FBXL5: variants seen among roughly 807,000 people sequenced by gnomAD.
FBXL5 encodes F-box/LRR-repeat protein 5.
In FBXL5, 26 loss-of-function variants were observed where a neutral mutation model predicts 78.3. The ratio of observed to expected loss-of-function variants is 0.33; its 90% CI spans 0.24 to 0.46. FBXL5 has a LOEUF of 0.46. Ranked by LOEUF, FBXL5 falls within the 20% of genes least tolerant of loss-of-function variation. FBXL5 has a pLI of 1.00. For synonymous variants in FBXL5, 295 were observed against 282.5 expected (o/e 1.04, Z -0.45); for missense variants, 710 against 829.2 (o/e 0.86, Z 1.77).
At chr4:15,623,398 A>G (rs1244012166) in intron 9 of FBXL5, among the ~76,000 whole-genome samples, 1 of 152,170 alleles carries the variant, frequency 6.6e-6, no homozygotes, top group Admixed American at 6.5e-5. Context: ...CGGCTCTGAA[A>G]GGTCACATGT....
At chr4:15,630,001 C>A (rs1174811678) in intron 6 of FBXL5, among the ~76,000 whole-genome samples, 1 of 152,146 alleles carries the variant, frequency 6.6e-6, no homozygotes, top group Non-Finnish European at 1.5e-5. Flanking sequence ...TTCCTCCTCA[C>A]ACTTCCAAAT....
Position 15,654,592 on chromosome 4 carries a change from G to C in FBXL5, c.84+612C>G, listed in dbSNP as rs1716593280. 4.6e-5 allele frequency among the ~76,000 whole-genome samples: 7 copies of C among 152,356 alleles called. No homozygotes were observed. The South Asian group carries it at 1.4e-3, about 32-fold the overall frequency. ...AAGGAAAACGATAACGACACATGAA[G>C]AGTGAAGGTTCTTCAGTTCTAAACT... On this transcript the variant is annotated intron_variant, in intron 1 of 10. Transcript: ENST00000341285.
intron 1 of FBXL5, among the ~76,000 whole-genome samples, chr4:15,673,523 T>C (rs771839188): frequency 3.9e-5 from 6 of 152,184 alleles, no homozygotes; most frequent in African/African-American, 1.2e-4. Context: ...GACATCATCA[T>C]TGAGATCTAT....
rs761448938 is a variant in FBXL5, at chr4:15,636,507, A to C, written c.753T>G (p.Val251=). The C allele has an allele frequency of 6.2e-7, 1 of 1,601,512 alleles. No individual in the cohort carries two copies. Among genetic ancestry groups the C allele is most frequent in the Admixed American group, 1.7e-5 (1 of 58,184 alleles). ...TGSLWKHLYP[V]HWARGDWYSG... is the part of the protein sequence containing the mutation. ...CCATTTACCTACCTCTGGCCCAATG[A>C]ACAGGGTAAAGATGTTTCCAAAGCG... The change falls in exon 5 of 11, where the codon GTT becomes GTG. Residue 251 remains valine, a synonymous_variant. Coordinates refer to ENST00000341285, the MANE Select transcript of FBXL5 (RefSeq NM_012161.4).
upstream of FBXL5, among the ~76,000 whole-genome samples, chr4:15,664,016 TAAAG>T (rs1228986471): frequency 6.6e-6 from 1 of 152,204 alleles, no homozygotes; most frequent in Non-Finnish European, 1.5e-5. Flanking sequence ...ATGAAAAACT[TAAAG>T]AAGCTACATA....
At chr4:15,631,501 C>T (rs1167234496) in intron 5 of FBXL5, among the ~76,000 whole-genome samples, 1 of 152,214 alleles carries the variant, frequency 6.6e-6, no homozygotes, top group Non-Finnish European at 1.5e-5. Flanking sequence ...ACACTGTCTT[C>T]CACAATGGCT....
chr4:15,675,789 A>T (rs1473849632), intron 1 of FBXL5, among the ~76,000 whole-genome samples: 1 of 151,624 alleles, frequency 6.6e-6, no homozygotes, highest in East Asian at 1.9e-4. Flanking sequence ...CACCATGTTA[A>T]CCAAGCTGGT....
rs115449460 is a variant in FBXL5, at chr4:15,672,260, T to C, written c.-284+9123A>G. Among the ~76,000 whole-genome samples the C allele has an allele frequency of 8.7e-3, 1,322 of 152,328 alleles. 21 individuals are homozygous for C. Among genetic ancestry groups the C allele is most frequent in the Non-Finnish European group, 0.012 (811 of 68,018 alleles). ...TACCCAATGCTCCGTGAATGAGGCTTTCCAGTCTGTCTTGTGGAAACAGCC... is the reference window on the plus strand; with the variant it reads ...TACCCAATGCTCCGTGAATGAGGCTCTCCAGTCTGTCTTGTGGAAACAGCC... On this transcript the variant is annotated intron_variant, in intron 1 of 4. Transcript: ENST00000507899.
At chr4:15,615,848 G>A (rs536441891) in intron 9 of FBXL5, among the ~76,000 whole-genome samples, 2 of 152,078 alleles carry the variant, frequency 1.3e-5, no homozygotes, top group Non-Finnish European at 1.5e-5. Context: ...TAAAAAGCAG[G>A]CTGCCCAAGC....
At chr4:15,666,871 TAA>T (rs1222526858) in intron 1 of FBXL5, among the ~76,000 whole-genome samples, 1 of 145,990 alleles carries the variant, frequency 6.8e-6, no homozygotes. Context: ...GTCCCACCAT[TAA>T]AAAAAAAAAG....
At chr4:15,628,360 A>G (rs115582530) in intron 6 of FBXL5, among the ~76,000 whole-genome samples, 12 of 152,306 alleles carry the variant, frequency 7.9e-5, no homozygotes, top group Non-Finnish European at 1.8e-4. Context: ...GATCATAATG[A>G]ATCAAGCAAA....
intron 2 of FBXL5, chr4:15,641,713 T>A: frequency 2.4e-6 from 1 of 424,588 alleles, no homozygotes; most frequent in South Asian, 1.7e-5. Flanking sequence ...CCCATGTTGT[T>A]CAAGGGTCAA....
intron 1 of FBXL5, among the ~76,000 whole-genome samples, chr4:15,680,204 G>A (rs1437056840): frequency 6.6e-6 from 1 of 152,002 alleles, no homozygotes; most frequent in Non-Finnish European, 1.5e-5. Flanking sequence ...TTGTATCTCT[G>A]CATGAAGACC....
chr4:15,679,503 A>C (rs1005122160), intron 1 of FBXL5, among the ~76,000 whole-genome samples: 4 of 150,582 alleles, frequency 2.7e-5, no homozygotes, highest in Non-Finnish European at 5.9e-5. Context: ...AGAGATTTTG[A>C]TTTTTCTAAA....
intron 1 of FBXL5, among the ~76,000 whole-genome samples, chr4:15,650,085 T>C (rs186701463): frequency 3.9e-5 from 6 of 152,228 alleles, no homozygotes; most frequent in Admixed American, 3.9e-4. Flanking sequence ...CCCCCAGAGA[T>C]AAAAGGCAAG....
At chr4:15,642,528 G>A (rs1714996697) in intron 2 of FBXL5, among the ~76,000 whole-genome samples, 1 of 152,092 alleles carries the variant, frequency 6.6e-6, no homozygotes, top group Non-Finnish European at 1.5e-5. Flanking sequence ...GAGCCACCAT[G>A]CCCAGCCTAT....
chr4:15,626,759 A>C (rs1380965066), intron 8 of FBXL5, 114 bp downstream of exon 8: 1 of 760,160 alleles, frequency 1.3e-6, no homozygotes, highest in African/African-American at 1.8e-5. Context: ...AATTATACTC[A>C]GACATGACTG....
At chr4:15,634,310 T>A (rs1185655627) in intron 5 of FBXL5, among the ~76,000 whole-genome samples, 3 of 152,156 alleles carry the variant, frequency 2.0e-5, no homozygotes, top group Non-Finnish European at 4.4e-5. Flanking sequence ...CACCTCAGCC[T>A]CTCAAGTAAC....
chr4:15,651,604 G>C (rs879817902), intron 1 of FBXL5, among the ~76,000 whole-genome samples: 2 of 152,076 alleles, frequency 1.3e-5, no homozygotes, highest in Non-Finnish European at 2.9e-5. Context: ...AAGGAAAACT[G>C]ACAATAAAGC....
Sources: gnomAD v4.1 joint callset for allele counts (sites outside exome capture counted in the v4.1 genomes callset) on GRCh38, gnomAD v4.1.1 for gene constraint, MANE v1.5 for transcripts, NCBI Gene and HGNC (gene_info 2026-07-23, HGNC 2026-07-21) for gene names.